TERF1: variants seen among roughly 807,000 people sequenced by gnomAD.
The protein encoded by TERF1 is telomeric repeat binding factor 1.
In TERF1, 20 loss-of-function variants were observed where a neutral mutation model predicts 55.1. The observed-to-expected ratio is 0.36, with a 90% CI of 0.26 to 0.53. The LOEUF is 0.53. Ranked by LOEUF, TERF1 falls within the 20% of genes least tolerant of loss-of-function variation. The probability of loss-of-function intolerance (pLI) is 0.91; values close to 1 mark genes in which losing one functional copy is unlikely to be tolerated. For missense variants in TERF1, 439 were observed against 535.7 expected (o/e 0.82, Z 1.78); for synonymous variants, 168 against 181.2 (o/e 0.93, Z 0.59).
chr8:73,040,186 C>G (rs1407986202), intron 9 of TERF1, among the ~76,000 whole-genome samples: 2 of 152,064 alleles, frequency 1.3e-5, no homozygotes, highest in East Asian at 3.9e-4. Flanking sequence ...ATATTACTTG[C>G]CTTTGTGATT....
intron 5 of TERF1, 30 bp downstream of exon 5, chr8:73,025,001 A>C (rs375690454): frequency 8.7e-5 from 116 of 1,335,420 alleles, no homozygotes; most frequent in African/African-American, 3.9e-4. Flanking sequence ...GTGACTAATA[A>C]TAGACTTAAA....
intron 3 of TERF1, among the ~76,000 whole-genome samples, chr8:73,021,555 A>G (rs1808752380): frequency 6.6e-6 from 1 of 152,138 alleles, no homozygotes; most frequent in Non-Finnish European, 1.5e-5. Flanking sequence ...TTTGCCAGGC[A>G]CTGTTCTAAA....
chr8:73,022,961 G>C (rs1373993490), intron 4 of TERF1, among the ~76,000 whole-genome samples: 1 of 152,048 alleles, frequency 6.6e-6, no homozygotes, highest in Non-Finnish European at 1.5e-5. Context: ...AAATAGTATA[G>C]TATTTGCATA....
chr8:73,014,627 A>G (rs2981081), intron 2 of TERF1, among the ~76,000 whole-genome samples: 67,721 of 151,870 alleles, frequency 0.45, 16,592 homozygotes, highest in Middle Eastern at 0.59. Context: ...AGGCTATTTG[A>G]TGGAAATAAT....
chr8:73,009,532 C>T (rs1390717529), intron 1 of TERF1: 6 of 284,216 alleles, frequency 2.1e-5, no homozygotes, highest in Admixed American at 4.8e-5. Context: ...CTCAGGTATT[C>T]CTGTAGTAAT....
At chr8:73,024,507 A>C (rs1412016452) in intron 4 of TERF1, among the ~76,000 whole-genome samples, 1 of 152,182 alleles carries the variant, frequency 6.6e-6, no homozygotes, top group South Asian at 2.1e-4. Context: ...GAATACAATC[A>C]GATTATGGTA....
chr8:73,017,431 CACT>C (rs1808557113), intron 2 of TERF1, among the ~76,000 whole-genome samples: 1 of 152,180 alleles, frequency 6.6e-6, no homozygotes, highest in Non-Finnish European at 1.5e-5. Context: ...CAGTGCCTGA[CACT>C]CAGTGTTAGT....
intron 8 of TERF1, among the ~76,000 whole-genome samples, chr8:73,033,677 A>C (rs1215273836): frequency 6.6e-6 from 1 of 152,132 alleles, no homozygotes; most frequent in Non-Finnish European, 1.5e-5. Flanking sequence ...TGGAGGTTGC[A>C]CTCCAGCCTG....
At chr8:73,014,777 G>A (rs1808425485) in intron 2 of TERF1, among the ~76,000 whole-genome samples, 1 of 152,192 alleles carries the variant, frequency 6.6e-6, no homozygotes, top group Non-Finnish European at 1.5e-5. Context: ...CACTGTCAAG[G>A]CCTTCACTAA....
chr8:73,022,784 C>CA (rs1193691367), intron 4 of TERF1, among the ~76,000 whole-genome samples: 1 of 151,694 alleles, frequency 6.6e-6, no homozygotes, highest in Non-Finnish European at 1.5e-5. Context: ...CTGTTCTCTA[C>CA]AAAAAAATTA....
intron 9 of TERF1, among the ~76,000 whole-genome samples, chr8:73,045,719 C>G (rs1810002641): frequency 6.6e-6 from 1 of 152,112 alleles, no homozygotes; most frequent in African/African-American, 2.4e-5. Flanking sequence ...TGTAGCACTG[C>G]CACTTTCTAG....
Position 73,009,149 on chromosome 8 carries a change from G to C in TERF1, c.263G>C (p.Arg88Pro). 1 of 1,611,294 alleles carries C rather than the reference G, an allele frequency of 6.2e-7. No homozygotes were observed. Among genetic ancestry groups the C allele is most frequent in the Non-Finnish European group, 8.5e-7 (1 of 1,179,854 alleles). ...MLDFLCLSLCRAFRDGRSEDF... is the reference protein window; with the variant it reads ...MLDFLCLSLCPAFRDGRSEDF... ...GATTTCCTCTGCCTCTCTCTTTGCCGAGCTTTCCGCGACGGCCGCTCCGAG... is the reference window on the plus strand; with the variant it reads ...GATTTCCTCTGCCTCTCTCTTTGCCCAGCTTTCCGCGACGGCCGCTCCGAG... Residue 88 changes from arginine (R) to proline (P), a missense_variant, in exon 1 of 10, where the codon CGA becomes CCA. By Grantham distance (103) the Arg-to-Pro change is moderately radical (BLOSUM62 -2). Coordinates refer to ENST00000276603, the MANE Select transcript of TERF1 (RefSeq NM_017489.3).
At chr8:73,025,018 G>GTT in intron 5 of TERF1, 47 bp downstream of exon 5, 1 of 1,178,146 alleles carries the variant, frequency 8.5e-7, no homozygotes, top group African/African-American at 1.6e-5. Flanking sequence ...TAAAGGAAAC[G>GTT]TTATAATAAA....
intron 8 of TERF1, among the ~76,000 whole-genome samples, chr8:73,035,607 T>C (rs1309333098): frequency 1.3e-5 from 2 of 152,204 alleles, no homozygotes; most frequent in Non-Finnish European, 2.9e-5. Flanking sequence ...TGTCTATTGT[T>C]GTATCAATTA....
chr8:73,044,248 T>C (rs1471032558), intron 9 of TERF1, among the ~76,000 whole-genome samples: 3 of 152,182 alleles, frequency 2.0e-5, no homozygotes, highest in Non-Finnish European at 4.4e-5. Flanking sequence ...AGCAGCACAG[T>C]TGCCGATAGG....
Position 73,020,758 on chromosome 8 carries a change from G to A in TERF1, c.490G>A (p.Glu164Lys), listed in dbSNP as rs1360851634. The change falls in exon 3 of 10, where the codon GAA (glutamate) becomes AAA (lysine). Residue 164 changes from glutamate to lysine, a missense_variant. Physicochemically the swap from Glu to Lys is moderately conservative, Grantham distance 56. Transcript: ENST00000276603. The stretch of plus-strand genomic sequence containing the variant: ...GATGATTTGGGGTTCAATTGAAAAG[G>A]AACATGACAAACTTCATGAAGAAAT... Reference protein sequence around the residue: ...ALMIWGSIEKEHDKLHEEIQN... With the variant: ...ALMIWGSIEKKHDKLHEEIQN... The A allele has an allele frequency of 6.5e-7, 1 of 1,535,354 alleles. No homozygotes were observed. The highest frequency in any genetic ancestry group is 2.3e-5 in the East Asian group (1 of 44,092).
intron 9 of TERF1, among the ~76,000 whole-genome samples, chr8:73,041,313 C>T (rs1809822990): frequency 6.6e-6 from 1 of 152,084 alleles, no homozygotes; most frequent in Non-Finnish European, 1.5e-5. Flanking sequence ...GTTTTTGTCT[C>T]TCTTGTTGTC....
intron 1 of TERF1, chr8:73,012,320 A>G (rs186264535): frequency 6.6e-6 from 1 of 152,404 alleles, no homozygotes; most frequent in Admixed American, 6.5e-5. Context: ...ATATAATAAT[A>G]ATGAAAAAGT....
At chr8:73,023,553 C>A (rs576989161) in intron 4 of TERF1, among the ~76,000 whole-genome samples, 1 of 152,124 alleles carries the variant, frequency 6.6e-6, no homozygotes, top group Admixed American at 6.5e-5. Context: ...AGCCAATAGC[C>A]TGATATGTCT....
Sources: allele counts gnomAD v4.1 joint callset (sites outside exome capture counted in the v4.1 genomes callset), GRCh38; gene constraint gnomAD v4.1.1; transcripts MANE v1.5; gene names NCBI Gene and HGNC (gene_info 2026-07-23, HGNC 2026-07-21).